JAZF1: variants seen among roughly 807,000 people sequenced by gnomAD.
The protein encoded by JAZF1 is JAZF zinc finger 1.
In JAZF1, 8 loss-of-function variants were observed where a neutral mutation model predicts 26.4. That is an observed-to-expected ratio of 0.30 (90% confidence interval 0.18 to 0.55). The LOEUF is 0.55. JAZF1 is among the 20% of genes least tolerant of loss of function. The pLI, the probability that JAZF1 is intolerant of heterozygous loss-of-function variation, is 0.94. For missense variants in JAZF1, 199 were observed against 322.0 expected (o/e 0.62, Z 2.92); for synonymous variants, 126 against 122.3 (o/e 1.03, Z -0.20).
At chr7:28,071,099 G>A (rs958481204) in intron 1 of JAZF1, among the ~76,000 whole-genome samples, 51 of 152,146 alleles carry the variant, frequency 3.4e-4, no homozygotes, top group African/African-American at 1.0e-3. Context: ...TGCCTAAAAC[G>A]GAATCGGCTC....
intron 1 of JAZF1, among the ~76,000 whole-genome samples, chr7:28,123,190 T>C (rs913215108): frequency 6.6e-6 from 1 of 152,032 alleles, no homozygotes; most frequent in Non-Finnish European, 1.5e-5. Flanking sequence ...GCACATGCAG[T>C]TTGCTCTTGA....
At chr7:28,064,697 T>A (rs1359921951) in intron 1 of JAZF1, among the ~76,000 whole-genome samples, 1 of 152,216 alleles carries the variant, frequency 6.6e-6, no homozygotes, top group Non-Finnish European at 1.5e-5. Flanking sequence ...AACTCAGTCT[T>A]CTTTCACAGA....
intron 1 of JAZF1, among the ~76,000 whole-genome samples, chr7:28,096,746 CATTCTAG>C (rs1237389322): frequency 6.6e-6 from 1 of 151,942 alleles, no homozygotes; most frequent in Non-Finnish European, 1.5e-5. Flanking sequence ...GTAATGGGAA[CATTCTAG>C]CTCTGGGGTG....
chr7:27,942,250 G>A (rs978133189), intron 2 of JAZF1, among the ~76,000 whole-genome samples: 6 of 152,186 alleles, frequency 3.9e-5, no homozygotes, highest in African/African-American at 1.4e-4. Flanking sequence ...TGTCTTATGC[G>A]CAGCCTTCCT....
chr7:28,013,845 T>C (rs534408968), intron 1 of JAZF1, among the ~76,000 whole-genome samples: 2 of 152,148 alleles, frequency 1.3e-5, no homozygotes, highest in Admixed American at 6.5e-5. Context: ...CTTAAGTATA[T>C]GAATTATCCA....
chr7:28,132,282 T>C (rs1782807551), intron 1 of JAZF1, among the ~76,000 whole-genome samples: 1 of 152,188 alleles, frequency 6.6e-6, no homozygotes, highest in South Asian at 2.1e-4. Flanking sequence ...GCTCAGCTAA[T>C]TTATAATATT....
intron 2 of JAZF1, among the ~76,000 whole-genome samples, chr7:27,909,598 T>C (rs1784326055): frequency 6.6e-6 from 1 of 151,676 alleles, no homozygotes; most frequent in African/African-American, 2.4e-5. Flanking sequence ...TCCCAGCTAC[T>C]AGGGAGGCTG....
chr7:27,916,144 T>TA (rs2128346715), intron 2 of JAZF1, among the ~76,000 whole-genome samples: 2 of 152,220 alleles, frequency 1.3e-5, no homozygotes, highest in East Asian at 3.9e-4. Context: ...TGATCATTCT[T>TA]AGACTCTCTC....
At chr7:28,016,056 T>C (rs913823852) in intron 1 of JAZF1, among the ~76,000 whole-genome samples, 5 of 152,206 alleles carry the variant, frequency 3.3e-5, no homozygotes, top group African/African-American at 1.2e-4. Flanking sequence ...GAGGGCACTA[T>C]AGAGCCTCTG....
intron 3 of JAZF1, among the ~76,000 whole-genome samples, chr7:27,894,426 G>A (rs1784024496): frequency 6.6e-6 from 1 of 152,158 alleles, no homozygotes; most frequent in Admixed American, 6.5e-5. Flanking sequence ...GATTATTATA[G>A]GCTAATCCTA....
At chr7:28,137,451 A>G (rs1227097176) in intron 1 of JAZF1, among the ~76,000 whole-genome samples, 1 of 152,112 alleles carries the variant, frequency 6.6e-6, no homozygotes, top group Non-Finnish European at 1.5e-5. Context: ...ATTCCAAAAC[A>G]AGGAAGGAAT....
At chr7:28,051,049 G>A (rs1270523620) in intron 1 of JAZF1, among the ~76,000 whole-genome samples, 3 of 149,624 alleles carry the variant, frequency 2.0e-5, no homozygotes, top group African/African-American at 4.9e-5. Context: ...GGAGAATCGC[G>A]TGAACCTGGG....
chr7:27,897,416 C>T (rs1234164223), intron 2 of JAZF1, among the ~76,000 whole-genome samples: 1 of 152,154 alleles, frequency 6.6e-6, no homozygotes, highest in African/African-American at 2.4e-5. Flanking sequence ...CAGGTTTATT[C>T]TCTGTAAAAT....
chr7:28,038,070 T>A (rs1300772079), intron 1 of JAZF1, among the ~76,000 whole-genome samples: 1 of 152,200 alleles, frequency 6.6e-6, no homozygotes, highest in Non-Finnish European at 1.5e-5. Flanking sequence ...TGAAACTCAG[T>A]TGATAATTCT....
chr7:28,139,677 C>A (rs1280669729), intron 1 of JAZF1, among the ~76,000 whole-genome samples: 1 of 152,194 alleles, frequency 6.6e-6, no homozygotes, highest in Non-Finnish European at 1.5e-5. Context: ...ACTGTATCAG[C>A]CACTCAGTTT....
intron 1 of JAZF1, among the ~76,000 whole-genome samples, chr7:28,078,191 A>T (rs996999830): frequency 2.0e-5 from 3 of 152,226 alleles, no homozygotes; most frequent in Non-Finnish European, 2.9e-5. Context: ...TATGATGATA[A>T]TGTACCACTT....
intron 1 of JAZF1, among the ~76,000 whole-genome samples, chr7:28,064,308 A>G (rs1040101728): frequency 6.6e-6 from 1 of 152,122 alleles, no homozygotes; most frequent in Non-Finnish European, 1.5e-5. Flanking sequence ...GGAAACCAAC[A>G]TAAAATTTAA....
At chr7:28,179,503 C>G (rs1176099840) in intron 1 of JAZF1, among the ~76,000 whole-genome samples, 4 of 152,020 alleles carry the variant, frequency 2.6e-5, no homozygotes, top group East Asian at 1.9e-4. Flanking sequence ...TCGGGCCTAG[C>G]ACCATTAGAA....
chr7:27,967,551 A>C (rs962987081), intron 2 of JAZF1, among the ~76,000 whole-genome samples: 2 of 152,228 alleles, frequency 1.3e-5, no homozygotes, highest in African/African-American at 4.8e-5. Context: ...TTACTAAATA[A>C]CAATCTACAA....
Sources: gnomAD v4.1 joint callset for allele counts (sites outside exome capture counted in the v4.1 genomes callset) on GRCh38, gnomAD v4.1.1 for gene constraint, MANE v1.5 for transcripts, NCBI Gene and HGNC (gene_info 2026-07-23, HGNC 2026-07-21) for gene names.